BRINP1: variants seen among roughly 807,000 people sequenced by gnomAD.
The protein encoded by BRINP1 is BMP/retinoic acid inducible neural specific 1.
Under a neutral mutation model 72.9 loss-of-function variants are expected in BRINP1, and 17 were observed. The observed-to-expected ratio is 0.23, with a 90% CI of 0.16 to 0.35. BRINP1 has a LOEUF of 0.35. BRINP1 is among the 10% of genes least tolerant of loss of function. BRINP1 has a pLI of 1.00. For missense variants in BRINP1, 850 were observed against 1,001.6 expected (o/e 0.85, Z 2.04); for synonymous variants, 418 against 378.5 (o/e 1.10, Z -1.21).
chr9:119,311,777 T>G (rs1240107951), intron 2 of BRINP1, among the ~76,000 whole-genome samples: 2 of 152,144 alleles, frequency 1.3e-5, no homozygotes, highest in Non-Finnish European at 2.9e-5. Context: ...CAAATGATTG[T>G]AACGAAAAAT....
chr9:119,299,053 ATACT>A (rs1564242178), intron 2 of BRINP1, among the ~76,000 whole-genome samples: 2 of 152,132 alleles, frequency 1.3e-5, no homozygotes, highest in South Asian at 2.1e-4. Context: ...ATTACCTCAC[ATACT>A]TATTTTTGGT....
At chr9:119,281,582 A>G (rs1169404631) in intron 2 of BRINP1, among the ~76,000 whole-genome samples, 2 of 152,232 alleles carry the variant, frequency 1.3e-5, no homozygotes, top group Non-Finnish European at 2.9e-5. Flanking sequence ...CAGCATTGTC[A>G]GGGAATATGA....
chr9:119,167,010 T>G lies in BRINP1; in HGVS notation c.*74A>C. 6.9e-7 allele frequency: 1 copy of G among 1,441,452 alleles called. No homozygotes were observed. Among genetic ancestry groups the G allele is most frequent in the Non-Finnish European group, 9.3e-7 (1 of 1,073,874 alleles). The allele number at this position is 1,441,452 out of a possible 1,614,324, so 89.3% of individuals were successfully genotyped here. The stretch of plus-strand genomic sequence containing the variant: ...TTTTACAAATTTTTGTGGGTTTTTT[T>G]GTTTTGTTTTGCTTCATTTTGTTCT... On this transcript the variant is annotated 3_prime_UTR_variant, in exon 8 of 8. Coordinates refer to ENST00000265922, the MANE Select transcript of BRINP1 (RefSeq NM_014618.3). The surrounding 1 kb of genome is among the most constrained non-coding windows in gnomAD (Gnocchi z 4.3).
At chr9:119,302,051 G>A (rs747595509) in intron 2 of BRINP1, among the ~76,000 whole-genome samples, 1 of 152,196 alleles carries the variant, frequency 6.6e-6, no homozygotes, top group Non-Finnish European at 1.5e-5. Flanking sequence ...AATTGTGGCT[G>A]AGAAGCCATG....
intron 1 of BRINP1, among the ~76,000 whole-genome samples, chr9:119,335,885 A>G (rs1355941865): frequency 1.3e-5 from 2 of 152,210 alleles, no homozygotes; most frequent in Admixed American, 6.5e-5. Flanking sequence ...TTTGATGTTC[A>G]TCTTATTCCT....
intron 1 of BRINP1, among the ~76,000 whole-genome samples, chr9:119,337,321 G>C (rs1032945287): frequency 6.6e-6 from 1 of 152,186 alleles, no homozygotes; most frequent in Admixed American, 6.5e-5. Context: ...GTGACAAATC[G>C]TAGGCACAGG....
intron 7 of BRINP1, among the ~76,000 whole-genome samples, chr9:119,184,846 C>CTGTT (rs1465684739): frequency 6.6e-6 from 1 of 152,140 alleles, no homozygotes; most frequent in Non-Finnish European, 1.5e-5. Context: ...AAAATTTATA[C>CTGTT]TGTTAATCTT....
intron 2 of BRINP1, among the ~76,000 whole-genome samples, chr9:119,302,711 T>A (rs1830951201): frequency 6.6e-6 from 1 of 152,216 alleles, no homozygotes; most frequent in Non-Finnish European, 1.5e-5. Context: ...AGAACAAGTA[T>A]CCCCTCCTCT....
intron 1 of BRINP1, among the ~76,000 whole-genome samples, chr9:119,328,316 A>T (rs980269620): frequency 1.4e-4 from 21 of 152,346 alleles, no homozygotes; most frequent in African/African-American, 5.1e-4. Context: ...ATTCATTGAA[A>T]GAGATTAAGG....
intron 7 of BRINP1, among the ~76,000 whole-genome samples, chr9:119,191,386 C>T (rs1016940721): frequency 1.3e-5 from 2 of 151,484 alleles, no homozygotes; most frequent in Admixed American, 1.3e-4. Context: ...TGCAGAAAAC[C>T]CCAAAGATCC....
At chr9:119,287,941 A>G (rs1830782877) in intron 2 of BRINP1, among the ~76,000 whole-genome samples, 1 of 152,214 alleles carries the variant, frequency 6.6e-6, no homozygotes, top group Non-Finnish European at 1.5e-5. Flanking sequence ...ACCCCCATGT[A>G]ACACGTTTAT....
At chr9:119,213,553 C>T in intron 6 of BRINP1, 1 of 411,516 alleles carries the variant, frequency 2.4e-6, no homozygotes, top group East Asian at 4.1e-5. Flanking sequence ...GGTGCACACA[C>T]AAACACATAC....
intron 1 of BRINP1, among the ~76,000 whole-genome samples, chr9:119,332,523 C>T (rs571023635): frequency 4.5e-4 from 68 of 152,294 alleles, no homozygotes; most frequent in Non-Finnish European, 9.6e-4. Flanking sequence ...ATCTTCATAA[C>T]TCCCTTTGGT....
intron 2 of BRINP1, among the ~76,000 whole-genome samples, chr9:119,255,049 G>A (rs1455086753): frequency 6.6e-6 from 1 of 152,158 alleles, no homozygotes; most frequent in East Asian, 1.9e-4. Flanking sequence ...GACTTCAAGT[G>A]CAATACCCTT....
rs150013603 is a variant in BRINP1, at chr9:119,345,742, G to C, written c.-51+23314C>G. Among the ~76,000 whole-genome samples, 7 of 152,270 alleles carry C rather than the reference G, an allele frequency of 4.6e-5. No homozygotes were observed. The East Asian group carries it at 1.4e-3, about 29-fold the overall frequency. On this transcript the variant is annotated intron_variant, in intron 1 of 7. Coordinates refer to ENST00000265922, the MANE Select transcript of BRINP1 (RefSeq NM_014618.3). ...CCCAAGTCTTCTGAACCAAATCAACGTGGACTCCCTACTACACCATTTCCG... is the reference window on the plus strand; with the variant it reads ...CCCAAGTCTTCTGAACCAAATCAACCTGGACTCCCTACTACACCATTTCCG...
intron 1 of BRINP1, among the ~76,000 whole-genome samples, chr9:119,354,523 A>G (rs1315636158): frequency 6.6e-6 from 1 of 152,050 alleles, no homozygotes; most frequent in African/African-American, 2.4e-5. Context: ...CTCAGGCTTC[A>G]TTTTACAAGT....
chr9:119,218,360 G>T (rs910839177), intron 5 of BRINP1, among the ~76,000 whole-genome samples: 18 of 151,880 alleles, frequency 1.2e-4, no homozygotes, highest in Non-Finnish European at 2.5e-4. Context: ...GGTCAGGATG[G>T]TTTTGAGCTC....
chr9:119,258,385 C>G (rs900334932), intron 2 of BRINP1, among the ~76,000 whole-genome samples: 1 of 152,156 alleles, frequency 6.6e-6, no homozygotes, highest in African/African-American at 2.4e-5. Context: ...TCCTGAAGCA[C>G]TGTTATCGAG....
At position 119,167,301 on chromosome 9, in the gene BRINP1, G is replaced by C; in HGVS notation, c.2069C>G (p.Ser690Trp). The C allele has an allele frequency of 6.2e-7, 1 of 1,614,168 alleles. No homozygotes were observed. The highest frequency in any genetic ancestry group is 8.5e-7 in the Non-Finnish European group (1 of 1,180,024). The change falls in exon 8 of 8, where the codon TCG (serine) becomes TGG (tryptophan). Residue 690 changes from serine to tryptophan, a missense_variant. By Grantham distance (177) the Ser-to-Trp change is radical. Transcript: ENST00000265922. The surrounding 1 kb of genome is among the most constrained non-coding windows in gnomAD (Gnocchi z 4.3). Reference sequence around the variant, plus strand: ...ATCCAACAAGAGGAGCATCACTGACGAAGAGGAATAGAACTGGCCGCCCTG... The same window carrying C: ...ATCCAACAAGAGGAGCATCACTGACCAAGAGGAATAGAACTGGCCGCCCTG... ...YTQGGQFYSS[S>W]SVMLLLLDIR...
Sources: allele counts gnomAD v4.1 joint callset (sites outside exome capture counted in the v4.1 genomes callset), GRCh38; gene constraint gnomAD v4.1.1; non-coding constraint Gnocchi (gnomAD v3.1); transcripts MANE v1.5; gene names NCBI Gene and HGNC (gene_info 2026-07-23, HGNC 2026-07-21).